Variants in LAMA2 observed in about 807,000 individuals in gnomAD.
LAMA2 encodes the protein laminin subunit alpha 2, also known as laminin subunit alpha-2.
A neutral mutation model predicts 364.8 loss-of-function variants in LAMA2; 269 were observed. The observed-to-expected ratio is 0.74, with a 90% CI of 0.67 to 0.82. LAMA2 has a LOEUF of 0.82. Among genes scored for constraint, LAMA2 ranks in the 40% least tolerant of loss-of-function variants. The pLI is 0.00. For missense variants in LAMA2, 3,807 were observed against 3,873.2 expected (o/e 0.98, Z 0.45); for synonymous variants, 1,379 against 1,370.6 (o/e 1.01, Z -0.14).
intron 51 of LAMA2, among the ~76,000 whole-genome samples, chr6:129,467,587 G>A (rs1383390324): frequency 6.6e-6 from 1 of 151,838 alleles, no homozygotes; most frequent in Non-Finnish European, 1.5e-5. Flanking sequence ...TCTAAAGATA[G>A]TAATATGCTT....
At chr6:129,509,330 C>A (rs932406962) in intron 62 of LAMA2, among the ~76,000 whole-genome samples, 1 of 152,058 alleles carries the variant, frequency 6.6e-6, no homozygotes, top group African/African-American at 2.4e-5. Context: ...TGATTGTTTA[C>A]TTTGCTGTGC....
At chr6:129,267,732 A>G (rs1020626263) in intron 16 of LAMA2, among the ~76,000 whole-genome samples, 13 of 152,144 alleles carry the variant, frequency 8.5e-5, no homozygotes, top group African/African-American at 3.1e-4. Context: ...TAAAAACAAT[A>G]TGTAATACAT....
chr6:129,424,959 T>C (rs1781254667), intron 40 of LAMA2, among the ~76,000 whole-genome samples: 2 of 149,836 alleles, frequency 1.3e-5, no homozygotes, highest in Admixed American at 6.6e-5. Flanking sequence ...GGATCAAATA[T>C]GGATACACAC....
intron 7 of LAMA2, among the ~76,000 whole-genome samples, chr6:129,152,950 A>G (rs546236570): frequency 6.6e-6 from 1 of 152,212 alleles, no homozygotes; most frequent in East Asian, 1.9e-4. Flanking sequence ...TAGAATAAAT[A>G]AAAAGATTGA....
chr6:128,901,144 A>C (rs1777059503), intron 1 of LAMA2, among the ~76,000 whole-genome samples: 1 of 152,214 alleles, frequency 6.6e-6, no homozygotes, highest in Admixed American at 6.5e-5. Context: ...GCAACAGAGC[A>C]AGACCTTATC....
intron 3 of LAMA2, among the ~76,000 whole-genome samples, chr6:129,077,013 G>C (rs1408069699): frequency 2.0e-5 from 3 of 152,088 alleles, no homozygotes; most frequent in African/African-American, 2.4e-5. Context: ...GTTCAGGTTA[G>C]AAAGCAAAGA....
intron 1 of LAMA2, among the ~76,000 whole-genome samples, chr6:129,025,831 A>ATTTCTT (rs1785770303): frequency 6.6e-6 from 1 of 152,108 alleles, no homozygotes; most frequent in South Asian, 2.1e-4. Context: ...ATTTATAGTG[A>ATTTCTT]TTTCTTTTTG....
At position 129,146,930 on chromosome 6, in the gene LAMA2, A is replaced by G. The variant is rs755536285; in HGVS notation, c.820-29A>G. On this transcript the variant is annotated intron_variant, in intron 5 of 64. Coordinates refer to ENST00000421865, the MANE Select transcript of LAMA2 (RefSeq NM_000426.4). Reference sequence around the variant, plus strand: ...ACTTTGACCTTGCAGTCATCTTAACAGGATTTCTCTCTGGATTGCTTTTTG... The same window carrying G: ...ACTTTGACCTTGCAGTCATCTTAACGGGATTTCTCTCTGGATTGCTTTTTG... The G allele has an allele frequency of 9.3e-6, 13 of 1,402,694 alleles. No homozygotes were observed. In the African/African-American group the frequency reaches 1.7e-4, roughly 18 times the overall value. 86.9% of individuals were successfully genotyped at this position (1,402,694 alleles called of 1,614,324 possible).
At chr6:129,099,125 G>GTTTTTTTTTTTTTTTTTTTT (rs370334822) in intron 4 of LAMA2, among the ~76,000 whole-genome samples, 2 of 129,804 alleles carry the variant, frequency 1.5e-5, no homozygotes, top group African/African-American at 2.9e-5. Context: ...TTTTTTTTTT[G>GTTTTTTTTTTTTTTTTTTTT]TTTTTTTTTT....
chr6:129,218,827 A>T (rs1341510960), intron 12 of LAMA2, among the ~76,000 whole-genome samples: 2 of 151,938 alleles, frequency 1.3e-5, no homozygotes, highest in Non-Finnish European at 2.9e-5. Flanking sequence ...GCAGATGCTT[A>T]AATTTAGATA....
chr6:129,324,686 C>T (rs1026783626), intron 28 of LAMA2, among the ~76,000 whole-genome samples: 2 of 152,148 alleles, frequency 1.3e-5, no homozygotes, highest in African/African-American at 2.4e-5. Flanking sequence ...CAGACCTGCA[C>T]AGCATGTTAT....
At chr6:129,435,354 TCA>T in intron 41 of LAMA2, among the ~76,000 whole-genome samples, 1 of 152,314 alleles carries the variant, frequency 6.6e-6, no homozygotes, top group South Asian at 2.1e-4. Context: ...TGTATAGATA[TCA>T]CAGTCATAAT....
At chr6:129,315,331 C>T in intron 24 of LAMA2, 145 bp from the exon 25 acceptor site, 1 of 691,380 alleles carries the variant, frequency 1.4e-6, no homozygotes, top group Admixed American at 2.5e-5. Context: ...GCCATGCTTG[C>T]CCACTGCGTG....
chr6:129,401,465 A>T, intron 38 of LAMA2, 125 bp downstream of exon 38: 2 of 733,242 alleles, frequency 2.7e-6, no homozygotes, highest in Non-Finnish European at 2.4e-6. Flanking sequence ...TTTTTGCATT[A>T]TTCTACTGTG....
intron 34 of LAMA2, among the ~76,000 whole-genome samples, chr6:129,376,454 G>C (rs1243599655): frequency 6.6e-6 from 1 of 152,176 alleles, no homozygotes; most frequent in African/African-American, 2.4e-5. Flanking sequence ...AACGTAGCCA[G>C]AATGAATGTT....
At chr6:128,949,165 C>T (rs544910648) in intron 1 of LAMA2, among the ~76,000 whole-genome samples, 24 of 152,272 alleles carry the variant, frequency 1.6e-4, no homozygotes, top group Non-Finnish European at 2.8e-4. Flanking sequence ...ACAAGACCAG[C>T]GAGGGCTACT....
chr6:129,124,395 G>A (rs1776991429), intron 4 of LAMA2, among the ~76,000 whole-genome samples: 1 of 152,142 alleles, frequency 6.6e-6, no homozygotes, highest in African/African-American at 2.4e-5. Context: ...CCAGATGAGG[G>A]GAATATATTT....
intron 40 of LAMA2, among the ~76,000 whole-genome samples, chr6:129,406,282 G>T (rs1464576631): frequency 6.6e-6 from 1 of 152,182 alleles, no homozygotes; most frequent in Non-Finnish European, 1.5e-5. Context: ...ATAAGCAGGA[G>T]AAAGCTAATA....
At chr6:129,355,775 T>C (rs1019681424) in intron 32 of LAMA2, among the ~76,000 whole-genome samples, 7 of 152,134 alleles carry the variant, frequency 4.6e-5, no homozygotes, top group African/African-American at 1.7e-4. Context: ...AAGAGTTAAT[T>C]TTGCTTCCTT....
Sources: gnomAD v4.1 joint callset for allele counts (sites outside exome capture counted in the v4.1 genomes callset) on GRCh38, gnomAD v4.1.1 for gene constraint, MANE v1.5 for transcripts, NCBI Gene and HGNC (gene_info 2026-07-23, HGNC 2026-07-21) for gene names.